The following INTS11 variants were observed in gnomAD, a reference collection of about 807,000 sequenced individuals.
INTS11 encodes CPSF3-like protein.
A neutral mutation model predicts 78.6 loss-of-function variants in INTS11; 77 were observed. The observed-to-expected ratio is 0.98, with a 90% confidence interval of 0.81 to 1.18. The LOEUF is 1.18. INTS11 is among the 50% of genes most tolerant of loss of function. The probability of loss-of-function intolerance (pLI) is 0.00; values close to 1 mark genes in which losing one functional copy is unlikely to be tolerated. For synonymous variants in INTS11, 441 were observed against 326.9 expected, an observed-to-expected ratio of 1.35 and a Z score of -3.77; for missense variants, 875 against 825.9, an observed-to-expected ratio of 1.06 and a Z score of -0.73.
At chr1:1,319,700 C>T (rs1280127280) in intron 3 of INTS11, 176 bp from the exon 4 acceptor site, 3 of 584,540 alleles carry the variant, frequency 5.1e-6, no homozygotes, top group Non-Finnish European at 9.1e-6. Flanking sequence ...CTTTCAGTCT[C>T]AAAGTCTAGC....
chr1:1,312,727 C>T, intron 12 of INTS11, 27 bp from the exon 13 acceptor site: 1 of 1,590,232 alleles, frequency 6.3e-7, no homozygotes, highest in Non-Finnish European at 8.6e-7. Context: ...GAGAGAGCCT[C>T]AGCCCAGGCT....
At chr1:1,320,900 C>T (rs570164885) in intron 2 of INTS11, 96 bp downstream of exon 2, 2 of 1,123,226 alleles carry the variant, frequency 1.8e-6, no homozygotes, top group South Asian at 1.2e-5. Context: ...ACAACCACTG[C>T]TGCCCACCAC....
rs1642247995 is a variant in INTS11, at chr1:1,312,271, C to T, written c.1562G>A (p.Arg521His). ...FTCRVHLHDT[R>H]KEQETALRVY... Reference sequence around the variant, plus strand: ...GCGCAATGCCGTCTCCTGCTCCTTGCGTGTGTCATGCAGGTGCACGCGGCA... The same window carrying T: ...GCGCAATGCCGTCTCCTGCTCCTTGTGTGTGTCATGCAGGTGCACGCGGCA... The change falls in exon 15 of 17, where the codon CGC becomes CAC. Residue 521 changes from arginine to histidine, a missense_variant. Transcript: ENST00000435064. 38 of 1,549,232 alleles carry T rather than the reference C, an allele frequency of 2.5e-5. No homozygotes were observed. The highest frequency in any genetic ancestry group is 3.9e-5 in the Admixed American group (2 of 50,930).
rs765185149 is a variant in INTS11, at chr1:1,321,105, A to G, written c.29-12T>C. On this transcript the variant is annotated splice_polypyrimidine_tract_variant and intron_variant, in intron 1 of 16. Coordinates refer to ENST00000435064, the MANE Select transcript of INTS11 (RefSeq NM_017871.6). Reference sequence around the variant, plus strand: ...GTCCTGGCCGGCCCCTACTCGAGGGAGGGCAGATGAGTCACTGCTGCGCCC... The same window carrying G: ...GTCCTGGCCGGCCCCTACTCGAGGGGGGGCAGATGAGTCACTGCTGCGCCC... The G allele has an allele frequency of 1.9e-6, 3 of 1,600,238 alleles. No individual in the cohort carries two copies. The highest frequency in any genetic ancestry group is 2.7e-5 in the African/African-American group (2 of 74,704).
At chr1:1,318,943 C>T (rs1371507701) in intron 4 of INTS11, 5 of 717,182 alleles carry the variant, frequency 7.0e-6, no homozygotes, top group African/African-American at 5.2e-5. Flanking sequence ...CCTCCCTGCC[C>T]GGCAACACCC....
Position 1,317,549 on chromosome 1 carries a change from C to T in INTS11, c.429+1747G>A, listed in dbSNP as rs539205451. The T allele has an allele frequency of 1.8e-5, 11 of 628,036 alleles. No homozygotes were observed. The African/African-American group carries it at 1.8e-4, about 10-fold the overall frequency. 38.9% of individuals were successfully genotyped at this position (628,036 alleles called of 1,614,324 possible). A position where few individuals can be genotyped will look rare whatever the true frequency, so the allele number is the denominator to read the frequency against. ...GATGACGGAGTTTCAAGAGGTTGAACGTCAGGCTCTCGGGGTCCCTGGAGG... is the reference window on the plus strand; with the variant it reads ...GATGACGGAGTTTCAAGAGGTTGAATGTCAGGCTCTCGGGGTCCCTGGAGG... On this transcript the variant is annotated intron_variant, in intron 4 of 16. Coordinates refer to ENST00000435064, the MANE Select transcript of INTS11 (RefSeq NM_017871.6).
At chr1:1,318,940 G>A (rs1310216978) in intron 4 of INTS11, 1 of 717,120 alleles carries the variant, frequency 1.4e-6, no homozygotes, top group Non-Finnish European at 2.6e-6. Context: ...CTGCCTCCCT[G>A]CCCGGCAACA....
intron 1 of INTS11, 71 bp from the exon 2 acceptor site, chr1:1,321,164 G>A (rs1342241664): frequency 1.6e-6 from 2 of 1,247,344 alleles, no homozygotes; most frequent in South Asian, 1.3e-5. Context: ...AAGCTCTGCA[G>A]GACCCCAGTG....
chr1:1,311,867 G>A lies in INTS11; in HGVS notation c.1795C>T (p.Pro599Ser). The change falls in exon 17 of 17, where the codon CCC (proline) becomes TCC (serine). Residue 599 changes from proline (P) to serine (S), a missense_variant. Pro to Ser is a moderately conservative substitution (Grantham distance 74). Coordinates refer to ENST00000435064, the MANE Select transcript of INTS11 (RefSeq NM_017871.6). ...SLLKKGLPQA[P>S]S ...TGGGTGAGTTGCCGGCCTCAGCTGG[G>A]GGCCTGGGGGAGGCCCTTCTTCAGC... is the stretch of plus-strand genomic sequence containing the variant. 2.6e-6 allele frequency: 4 copies of A among 1,555,994 alleles called. No individual in the cohort carries two copies. Among genetic ancestry groups the A allele is most frequent in the Non-Finnish European group, 3.5e-6 (4 of 1,151,112 alleles).
At chr1:1,322,948 C>T in intron 1 of INTS11, 3 of 1,355,664 alleles carry the variant, frequency 2.2e-6, no homozygotes, top group Non-Finnish European at 2.9e-6. Context: ...TAATTGAAGC[C>T]ACATGAAAGA....
chr1:1,315,627 G>A lies in INTS11; in HGVS notation c.430-9C>T. The A allele has an allele frequency of 6.2e-7, 1 of 1,601,854 alleles. No homozygotes were observed. The highest frequency in any genetic ancestry group is 8.5e-7 in the Non-Finnish European group (1 of 1,173,368). ...TCCAGCTCATCATCTACCTGTGGAG[G>A]ACAGGGCTGCGCTCAGGCTGTGTCC... On this transcript the variant is annotated splice_polypyrimidine_tract_variant and intron_variant, in intron 4 of 16. Coordinates refer to ENST00000435064, the MANE Select transcript of INTS11 (RefSeq NM_017871.6).
At position 1,312,213 on chromosome 1, in the gene INTS11, G is replaced by GGGGGGGGGGGGGGGGGGGGGC; in HGVS notation, c.1607+12_1607+13insGCCCCCCCCCCCCCCCCCCCC. On this transcript the variant is annotated intron_variant, in intron 15 of 16. Transcript: ENST00000435064. ...CCCAAGGGAGTGGGGGGGGGGCGGG[G>GGGGGGGGGGGGGGGGGGGGGC]CCGGGCGCCCACCTCTTGAGGTGGC... is the stretch of plus-strand genomic sequence containing the variant. The GGGGGGGGGGGGGGGGGGGGGC allele has an allele frequency of 1.1e-6, 1 of 934,630 alleles. No individual in the cohort carries two copies. Among genetic ancestry groups the GGGGGGGGGGGGGGGGGGGGGC allele is most frequent in the Non-Finnish European group, 1.6e-6 (1 of 636,678 alleles). The allele number at this position is 934,630 out of a possible 1,614,324, so 57.9% of individuals were successfully genotyped here. A position where few individuals can be genotyped will look rare whatever the true frequency, so the allele number is the denominator to read the frequency against.
At chr1:1,315,024 T>G in intron 6 of INTS11, 62 bp from the exon 7 acceptor site, 2 of 1,582,046 alleles carry the variant, frequency 1.3e-6, no homozygotes, top group Non-Finnish European at 8.6e-7. Flanking sequence ...CAGGGCTGGG[T>G]GTGACAAGCT....
chr1:1,311,651 C>T lies in INTS11; in HGVS notation c.*208G>A, dbSNP rs1448463812. On this transcript the variant is annotated 3_prime_UTR_variant, in exon 17 of 17. Transcript: ENST00000435064. ...TGCTGTCTAGGACCACCTGCCCTAA[C>T]CAGGAATAAAGGCAAGACAGCCTGG... 1.4e-6 allele frequency: 1 copy of T among 712,840 alleles called. No individual in the cohort carries two copies. Among genetic ancestry groups the T allele is most frequent in the Non-Finnish European group, 2.5e-6 (1 of 397,652 alleles). The allele number at this position is 712,840 out of a possible 1,614,324, so 44.2% of individuals were successfully genotyped here.
chr1:1,315,047 C>G, intron 6 of INTS11, 85 bp from the exon 7 acceptor site: 1 of 1,519,900 alleles, frequency 6.6e-7, no homozygotes, highest in East Asian at 2.3e-5. Flanking sequence ...ACCCCAGTAC[C>G]ACGCCCAGCC....
rs1642340104 is a variant in INTS11, at chr1:1,313,124, C to G, written c.1042G>C (p.Val348Leu). ...RKWAGNEKNM[V>L]IMPGYCVQGT... ...TGCACGCAGTAGCCGGGCATGATGACCTGGGGGCAGGCACAGAGCTCACAG... is the reference window on the plus strand; with the variant it reads ...TGCACGCAGTAGCCGGGCATGATGAGCTGGGGGCAGGCACAGAGCTCACAG... The change falls in exon 11 of 17, where the codon GTC (valine) becomes CTC (leucine). Residue 348 changes from valine to leucine, a missense_variant and splice_region_variant. By Grantham distance (32) the Val-to-Leu change is conservative (BLOSUM62 1). Transcript: ENST00000435064. 3 of 1,605,748 alleles carry G rather than the reference C, an allele frequency of 1.9e-6. No homozygotes were observed. The South Asian group carries it at 3.3e-5, about 18-fold the overall frequency.
At chr1:1,320,973 G>C in intron 2 of INTS11, 23 bp downstream of exon 2, 2 of 1,604,676 alleles carry the variant, frequency 1.2e-6, no homozygotes, top group Non-Finnish European at 1.7e-6. Flanking sequence ...CCAGCCTCTG[G>C]GCCTCCTGCC....
intron 1 of INTS11, chr1:1,322,923 G>A (rs1432201561): frequency 6.0e-6 from 8 of 1,340,024 alleles, no homozygotes; most frequent in Admixed American, 3.2e-5. Flanking sequence ...AATATACCCA[G>A]GTACAGATTG....
chr1:1,312,550 GCCTGCCCCGAGCAC>G (rs766121910), intron 13 of INTS11, 29 bp downstream of exon 13: 3 of 1,579,620 alleles, frequency 1.9e-6, no homozygotes, highest in East Asian at 2.3e-5. Context: ...GCTCCCAGCC[GCCTGCCCCGAGCAC>G]CCTGCCCTGC....
Sources: allele counts gnomAD v4.1 joint callset, GRCh38; gene constraint gnomAD v4.1.1; transcripts MANE v1.5; gene names NCBI Gene and HGNC (gene_info 2026-07-23, HGNC 2026-07-21).